The following TPRKB variants were observed in gnomAD, a reference collection of about 807,000 sequenced individuals.
TPRKB encodes TP53RK binding protein.
In TPRKB, 11 loss-of-function variants were observed where a neutral mutation model predicts 17.8. The ratio of observed to expected loss-of-function variants is 0.62; its 90% CI spans 0.39 to 1.02. The LOEUF (loss-of-function observed/expected upper bound fraction) is 1.02. TPRKB is among the 50% of genes least tolerant of loss of function. The pLI is 0.00. For missense variants in TPRKB, 228 were observed against 198.0 expected, an observed-to-expected ratio of 1.15 and a Z score of -0.91; for synonymous variants, 71 against 69.5, an observed-to-expected ratio of 1.02 and a Z score of -0.11.
At chr2:73,733,457 C>T (rs1233212047) in intron 2 of TPRKB, among the ~76,000 whole-genome samples, 1 of 152,058 alleles carries the variant, frequency 6.6e-6, no homozygotes, top group Admixed American at 6.6e-5. Context: ...CACGGTTTCA[C>T]TATGTAGGCC....
chr2:73,734,539 GA>G lies in TPRKB; in HGVS notation c.30del (p.Glu12AsnfsTer4). On this transcript the variant is annotated frameshift_variant, in exon 2 of 5. Transcript: ENST00000272424. LOFTEE classifies it high-confidence loss of function. MQLTHQLDL[F>X]PECRVTLLLF... ...AACAGAAGGGTTACCCTGCATTCGG[GA>G]AATAGGTCCAGCTGATGTGTTAACT... 2 of 1,613,528 alleles carry G rather than the reference GA, an allele frequency of 1.2e-6. No homozygotes were observed. Among genetic ancestry groups the G allele is most frequent in the Admixed American group, 3.3e-5 (2 of 59,862 alleles).
chr2:73,730,775 T>C (rs1671569589), intron 3 of TPRKB, 39 bp from the exon 4 acceptor site: 1 of 1,387,772 alleles, frequency 7.2e-7, no homozygotes, highest in Admixed American at 2.8e-5. Flanking sequence ...ACAAGATCAT[T>C]AACCATTGTT....
chr2:73,731,866 T>A (rs1244225509), intron 3 of TPRKB: 1 of 232,314 alleles, frequency 4.3e-6, no homozygotes, highest in Non-Finnish European at 8.4e-6. Flanking sequence ...TAATGTTTTA[T>A]CATTTAGATT....
intron 2 of TPRKB, among the ~76,000 whole-genome samples, chr2:73,733,455 C>T (rs1186609023): frequency 2.0e-5 from 3 of 152,066 alleles, no homozygotes; most frequent in Admixed American, 2.0e-4. Flanking sequence ...GACACGGTTT[C>T]ACTATGTAGG....
chr2:73,736,957 C>A (rs1212181384), intron 1 of TPRKB, among the ~76,000 whole-genome samples: 2 of 152,286 alleles, frequency 1.3e-5, no homozygotes, highest in African/African-American at 4.8e-5. Flanking sequence ...TCTCTCCTTT[C>A]ATCTCCGCCT....
rs745982589 is a variant in TPRKB at position 73,732,305 on chromosome 2, G to T, written c.142-20C>A. The T allele has an allele frequency of 5.6e-6, 9 of 1,607,408 alleles. No individual in the cohort carries two copies. The South Asian group carries it at 6.7e-5, about 12-fold the overall frequency. On this transcript the variant is annotated intron_variant, in intron 2 of 4. Transcript: ENST00000272424. ...AACAATCTACCAAAGCAAGGAAAAA[G>T]AATTAATTACACATGGAGAATCTGC... is the stretch of plus-strand genomic sequence containing the variant.
chr2:73,735,175 C>CA (rs1671821169), intron 1 of TPRKB, among the ~76,000 whole-genome samples: 1 of 151,576 alleles, frequency 6.6e-6, no homozygotes, highest in Non-Finnish European at 1.5e-5. Flanking sequence ...CTAAAAATGC[C>CA]AAAAAAATTA....
chr2:73,731,360 A>G (rs988208584), intron 3 of TPRKB, among the ~76,000 whole-genome samples: 4 of 152,222 alleles, frequency 2.6e-5, no homozygotes, highest in African/African-American at 9.6e-5. Flanking sequence ...TGGAACGGGG[A>G]AAAAGTTCAA....
chr2:73,730,414 G>A, intron 4 of TPRKB, 146 bp downstream of exon 4: 2 of 572,712 alleles, frequency 3.5e-6, no homozygotes, highest in Non-Finnish European at 5.7e-6. Flanking sequence ...CCAGTTCTTT[G>A]TATCTGTAAT....
At chr2:73,730,253 A>G in intron 4 of TPRKB, 1 of 445,720 alleles carries the variant, frequency 2.2e-6, no homozygotes, top group South Asian at 4.4e-5. Context: ...TAAAAACCAA[A>G]TTTCTATCCA....
Position 73,730,684 on chromosome 2 carries a change from A to C in TPRKB, c.317T>G (p.Leu106Arg). Residue 106 changes from leucine to arginine, a missense_variant, in exon 4 of 5, where the codon CTA (leucine) becomes CGA (arginine). Physicochemically the swap from Leu to Arg is moderately radical, Grantham distance 102 (BLOSUM62 -2). Coordinates refer to ENST00000272424, the MANE Select transcript of TPRKB (RefSeq NM_016058.5). ...TTCTCCCTCTTCAATGTAAACAATT[A>C]GAATTGAAGTGTCATTTGCTGAGAT... The part of the protein sequence containing the change: ...FGISANDTSI[L>R]IVYIEEGEKQ... 1 of 1,564,980 alleles carries C rather than the reference A, an allele frequency of 6.4e-7. No individual in the cohort carries two copies. The highest frequency in any genetic ancestry group is 8.6e-7 in the Non-Finnish European group (1 of 1,163,658).
At chr2:73,737,125 C>G (rs540725151) in intron 1 of TPRKB, among the ~76,000 whole-genome samples, 177 bp downstream of exon 1, 2 of 152,330 alleles carry the variant, frequency 1.3e-5, no homozygotes, top group South Asian at 4.1e-4. Context: ...TGTCTCCTCA[C>G]TAAACTATTT....
chr2:73,735,644 TAAAAG>T (rs998424371), intron 1 of TPRKB, among the ~76,000 whole-genome samples: 6 of 152,124 alleles, frequency 3.9e-5, no homozygotes, highest in Non-Finnish European at 8.8e-5. Flanking sequence ...TATAAAGACA[TAAAAG>T]AAACATAAAA....
chr2:73,733,864 C>T (rs1055606745), intron 2 of TPRKB, among the ~76,000 whole-genome samples: 1 of 138,664 alleles, frequency 7.2e-6, no homozygotes, highest in Non-Finnish European at 1.5e-5. Context: ...GTTGCCCAGG[C>T]TGGAGTGCAG....
chr2:73,731,017 C>T, intron 3 of TPRKB: 1 of 245,666 alleles, frequency 4.1e-6, no homozygotes. Context: ...CCAAGTGGCC[C>T]TCCAGCCAGG....
Position 73,729,988 on chromosome 2 carries a change from T to A in TPRKB, c.483A>T (p.Leu161Phe). The part of the protein sequence containing the change: ...LSSQEESIGT[L>F]LDAIICRMST... ...ACATTCTACAAATGATAGCATCCAA[T>A]AATGTCCCAATACTTTCTTCTTGTG... is the stretch of plus-strand genomic sequence containing the variant. Residue 161 changes from leucine to phenylalanine, a missense_variant, in exon 5 of 5, where the codon TTA becomes TTT. Transcript: ENST00000272424. 6.3e-7 allele frequency: 1 copy of A among 1,578,830 alleles called. No homozygotes were observed. The highest frequency in any genetic ancestry group is 8.6e-7 in the Non-Finnish European group (1 of 1,160,404).
chr2:73,730,401 C>A lies in TPRKB; in HGVS notation c.441+159G>T, dbSNP rs147225382. 4.0e-4 allele frequency: 212 copies of A among 532,094 alleles called. 1 individual carries two copies. The African/African-American group carries it at 4.0e-3, about 10-fold the overall frequency. 33.0% of individuals were successfully genotyped at this position (532,094 alleles called of 1,614,324 possible). On this transcript the variant is annotated intron_variant, in intron 4 of 4. Transcript: ENST00000272424. ...TTATATTTTACATAAACCATCACAC[C>A]TCCCAGTTCTTTGTATCTGTAATTT...
chr2:73,734,671 C>T, intron 1 of TPRKB, 80 bp from the exon 2 acceptor site: 1 of 1,276,592 alleles, frequency 7.8e-7, no homozygotes, highest in Non-Finnish European at 1.1e-6. Context: ...TATTCAAAAA[C>T]TTTGAAAGTA....
At chr2:73,733,246 G>GTTTTTTTTTTT (rs3076394) in intron 2 of TPRKB, among the ~76,000 whole-genome samples, 9 of 119,378 alleles carry the variant, frequency 7.5e-5, no homozygotes, top group African/African-American at 1.2e-4. Flanking sequence ...CGTGTGCCCT[G>GTTTTTTTTTTT]TTTTTTTGTT....
Sources: gnomAD v4.1 joint callset for allele counts (sites outside exome capture counted in the v4.1 genomes callset) on GRCh38, gnomAD v4.1.1 for gene constraint, MANE v1.5 for transcripts, NCBI Gene and HGNC (gene_info 2026-07-23, HGNC 2026-07-21) for gene names.